THRAP3: variants seen among roughly 807,000 people sequenced by gnomAD.
The protein encoded by THRAP3 is thyroid hormone receptor-associated protein 3.
In THRAP3, 16 loss-of-function variants were observed where a neutral mutation model predicts 101.0. That is an observed-to-expected ratio of 0.16 (90% CI 0.11 to 0.24). THRAP3 has a LOEUF of 0.24. THRAP3 is among the 10% of genes least tolerant of loss of function. THRAP3 has a pLI of 1.00. For synonymous variants in THRAP3, 407 were observed against 422.6 expected (o/e 0.96, Z 0.45); for missense variants, 989 against 1,202.7 (o/e 0.82, Z 2.63).
chr1:36,208,514 C>A, the THRAP3 span, among the ~76,000 whole-genome samples: 2 of 152,074 alleles, frequency 1.3e-5, no homozygotes, highest in Non-Finnish European at 2.9e-5. Flanking sequence ...CTCTGCCCCC[C>A]GGTGTAAAGA....
In THRAP3 at chr1:36,303,850, C is replaced by T; in HGVS notation, c.2701C>T (p.Arg901Ter). The T allele has an allele frequency of 6.2e-7, 1 of 1,614,078 alleles. No homozygotes were observed. ...CAAGTGGGTGAGCCGGGGCCGGGGC[C>T]GAGGAGCCTTTCCTCGGGGTCGGGG... is the stretch of plus-strand genomic sequence containing the variant. Reference protein sequence around the residue: ...SDKWVSRGRGRGAFPRGRGRF... With the variant: ...SDKWVSRGRG Residue 901 changes from arginine (R) to a stop codon, truncating the protein, a stop_gained, in exon 12 of 12, where the codon CGA becomes TGA. Coordinates refer to ENST00000354618, the MANE Select transcript of THRAP3 (RefSeq NM_005119.4). LOFTEE classifies it high-confidence loss of function.
At chr1:36,279,150 A>C (rs542909422) in intron 2 of THRAP3, among the ~76,000 whole-genome samples, 23 of 152,220 alleles carry the variant, frequency 1.5e-4, no homozygotes, top group African/African-American at 5.5e-4. Flanking sequence ...AATGAAAATT[A>C]GCTTCTTAGT....
chr1:36,227,941 T>C (rs1483333258), intron 1 of THRAP3, among the ~76,000 whole-genome samples: 1 of 151,996 alleles, frequency 6.6e-6, no homozygotes, highest in Non-Finnish European at 1.5e-5. Context: ...GGTGGTGCGA[T>C]CTCGGCTCAC....
chr1:36,253,760 A>ATTTTTTTTTTATTTTTTTTTTT (rs1645338003), intron 1 of THRAP3, among the ~76,000 whole-genome samples: 2 of 100,234 alleles, frequency 2.0e-5, no homozygotes, highest in African/African-American at 8.5e-5. Flanking sequence ...AGTCAGGCTA[A>ATTTTTTTTTTATTTTTTTTTTT]TTTTTTTTTT....
Position 36,301,103 on chromosome 1 carries a change from C to T in THRAP3, c.2502+19C>T. 6.2e-7 allele frequency: 1 copy of T among 1,611,096 alleles called. No individual in the cohort carries two copies. The highest frequency in any genetic ancestry group is 8.5e-7 in the Non-Finnish European group (1 of 1,178,230). Reference sequence around the variant, plus strand: ...AACCTTTGTAAGACCTTCCCCTCTCCCCCTTTCTCTGAGACCCTTGCTCCT... The same window carrying T: ...AACCTTTGTAAGACCTTCCCCTCTCTCCCTTTCTCTGAGACCCTTGCTCCT... On this transcript the variant is annotated intron_variant, in intron 10 of 11. Transcript: ENST00000354618.
chr1:36,258,379 T>C (rs561014875), intron 1 of THRAP3, among the ~76,000 whole-genome samples: 1 of 152,334 alleles, frequency 6.6e-6, no homozygotes, highest in South Asian at 2.1e-4. Context: ...GTGCTATATT[T>C]GTACTTACAT....
the THRAP3 span, among the ~76,000 whole-genome samples, chr1:36,209,723 C>T: frequency 1.3e-5 from 2 of 152,314 alleles, no homozygotes; most frequent in South Asian, 2.1e-4. Flanking sequence ...GAATCCTAGT[C>T]CTCAGCAGGG....
chr1:36,269,879 A>G (rs1297457436), intron 2 of THRAP3, among the ~76,000 whole-genome samples: 2 of 152,078 alleles, frequency 1.3e-5, no homozygotes, highest in Admixed American at 6.6e-5. Context: ...TTACAGCTGC[A>G]TGTCTCTTTT....
chr1:36,254,639 G>A (rs547344466), intron 1 of THRAP3, among the ~76,000 whole-genome samples: 48 of 152,290 alleles, frequency 3.2e-4, no homozygotes, highest in African/African-American at 1.1e-3. Flanking sequence ...TAGTGTGCAA[G>A]TAGCCATATG....
intron 1 of THRAP3, among the ~76,000 whole-genome samples, chr1:36,253,733 A>G (rs1380078645): frequency 2.9e-5 from 4 of 139,682 alleles, no homozygotes; most frequent in African/African-American, 7.9e-5. Flanking sequence ...AGCTGGGACC[A>G]CAGGCGTACA....
the THRAP3 span, among the ~76,000 whole-genome samples, chr1:36,215,594 G>A: frequency 6.6e-6 from 1 of 152,150 alleles, no homozygotes; most frequent in African/African-American, 2.4e-5. Flanking sequence ...CTTTTCTTAA[G>A]GGGTAAATCG....
chr1:36,216,926 T>C, the THRAP3 span, among the ~76,000 whole-genome samples: 3 of 152,240 alleles, frequency 2.0e-5, no homozygotes, highest in South Asian at 6.2e-4. Flanking sequence ...TCTTCCTGCA[T>C]TGCACTCATC....
At chr1:36,303,751 C>A (rs1020630643) in intron 11 of THRAP3, 45 bp from the exon 12 acceptor site, 1 of 1,612,964 alleles carries the variant, frequency 6.2e-7, no homozygotes, top group African/African-American at 1.3e-5. Context: ...GCTCTGGCCA[C>A]ATCTTGTTCA....
At chr1:36,261,253 C>T (rs1645441458) in intron 2 of THRAP3, among the ~76,000 whole-genome samples, 1 of 152,026 alleles carries the variant, frequency 6.6e-6, no homozygotes, top group Non-Finnish European at 1.5e-5. Context: ...AAAAATTAGG[C>T]CGGGTGCGGT....
chr1:36,282,395 A>ATTTT, intron 2 of THRAP3, 138 bp from the exon 3 acceptor site: 1 of 598,422 alleles, frequency 1.7e-6, no homozygotes, highest in Non-Finnish European at 2.8e-6. Context: ...ATTAAAAAAA[A>ATTTT]ATTTTTTTTT....
intron 2 of THRAP3, among the ~76,000 whole-genome samples, chr1:36,263,149 G>T (rs1413668901): frequency 6.6e-6 from 1 of 151,374 alleles, no homozygotes; most frequent in Non-Finnish European, 1.5e-5. Context: ...GCCAAGGCTG[G>T]AGTGCAGTGG....
chr1:36,225,746 T>G (rs1160945488), intron 1 of THRAP3, among the ~76,000 whole-genome samples: 2 of 152,208 alleles, frequency 1.3e-5, no homozygotes, highest in Non-Finnish European at 2.9e-5. Context: ...CAAAACCGGC[T>G]CCTGCCATGA....
chr1:36,286,429 G>A lies in THRAP3; in HGVS notation c.199G>A (p.Val67Ile). The A allele has an allele frequency of 6.2e-7, 1 of 1,614,096 alleles. No homozygotes were observed. The highest frequency in any genetic ancestry group is 1.1e-5 in the South Asian group (1 of 91,072). ...AHNRERNHPRVYQNRDFRGHN... is the reference protein window; with the variant it reads ...AHNRERNHPRIYQNRDFRGHN... ...TAACAGAGAAAGAAACCACCCAAGA[G>A]TATATCAGAATCGGGATTTCCGAGG... The change falls in exon 4 of 12, where the codon GTA (valine) becomes ATA (isoleucine). Residue 67 changes from valine (V) to isoleucine (I), a missense_variant. Transcript: ENST00000354618. The surrounding 1 kb of genome is among the most constrained non-coding windows in gnomAD (Gnocchi z 5.5).
intron 1 of THRAP3, among the ~76,000 whole-genome samples, chr1:36,252,556 C>G (rs1308415170): frequency 6.6e-6 from 1 of 152,144 alleles, no homozygotes; most frequent in African/African-American, 2.4e-5. Context: ...TGAGGCTACT[C>G]TGTGGGTACT....
Sources: gnomAD v4.1 joint callset for allele counts (sites outside exome capture counted in the v4.1 genomes callset) on GRCh38, gnomAD v4.1.1 for gene constraint, Gnocchi (gnomAD v3.1) non-coding constraint, MANE v1.5 for transcripts, NCBI Gene and HGNC (gene_info 2026-07-23, HGNC 2026-07-21) for gene names.